SPOCK1: variants seen among roughly 807,000 people sequenced by gnomAD.
SPOCK1 encodes the protein SPARC (osteonectin), cwcv and kazal like domains proteoglycan 1.
Under a neutral mutation model 55.3 loss-of-function variants are expected in SPOCK1, and 23 were observed. The observed-to-expected ratio is 0.42, with a 90% CI of 0.30 to 0.59. The LOEUF (loss-of-function observed/expected upper bound fraction) is 0.59. SPOCK1 is among the 20% of genes least tolerant of loss of function. The pLI is 0.22. For synonymous variants in SPOCK1, 226 were observed against 221.0 expected, an observed-to-expected ratio of 1.02 and a Z score of -0.20; for missense variants, 499 against 552.5, an observed-to-expected ratio of 0.90 and a Z score of 0.97.
intron 2 of SPOCK1, among the ~76,000 whole-genome samples, chr5:137,490,797 G>T (rs1464852779): frequency 1.3e-5 from 2 of 152,120 alleles, no homozygotes; most frequent in African/African-American, 2.4e-5. Context: ...TGATGGCAAG[G>T]TCTTCTGTGC....
chr5:137,180,118 A>G (rs1033698227), intron 3 of SPOCK1, among the ~76,000 whole-genome samples: 7 of 152,164 alleles, frequency 4.6e-5, no homozygotes, highest in Non-Finnish European at 1.0e-4. Flanking sequence ...GATCTGGCAG[A>G]GGCAAGCATC....
At chr5:137,477,741 C>T (rs1232139926) in intron 2 of SPOCK1, among the ~76,000 whole-genome samples, 1 of 152,110 alleles carries the variant, frequency 6.6e-6, no homozygotes, top group Non-Finnish European at 1.5e-5. Flanking sequence ...CAGAGCACCC[C>T]TTGCTAAGCT....
intron 6 of SPOCK1, among the ~76,000 whole-genome samples, chr5:137,032,777 G>A (rs1751806635): frequency 6.6e-6 from 1 of 152,198 alleles, no homozygotes; most frequent in Non-Finnish European, 1.5e-5. Context: ...GAGGCAGTCG[G>A]TATGTTCTTC....
At chr5:137,402,068 G>C (rs1751994504) in intron 2 of SPOCK1, among the ~76,000 whole-genome samples, 1 of 152,054 alleles carries the variant, frequency 6.6e-6, no homozygotes, top group Non-Finnish European at 1.5e-5. Flanking sequence ...CCCTCTCAAG[G>C]AGCAACAAGG....
intron 3 of SPOCK1, among the ~76,000 whole-genome samples, chr5:137,204,083 G>T (rs1473425596): frequency 1.3e-5 from 2 of 152,108 alleles, no homozygotes; most frequent in Non-Finnish European, 2.9e-5. Flanking sequence ...CCTTGGGCTG[G>T]TTATCCAACC....
intron 2 of SPOCK1, among the ~76,000 whole-genome samples, chr5:137,448,508 C>T (rs575563465): frequency 6.6e-6 from 1 of 152,228 alleles, no homozygotes; most frequent in Non-Finnish European, 1.5e-5. Context: ...CCACCTGACT[C>T]CCTGTGTGCC....
intron 2 of SPOCK1, among the ~76,000 whole-genome samples, chr5:137,270,790 G>A (rs1166568019): frequency 6.6e-6 from 1 of 152,124 alleles, no homozygotes; most frequent in East Asian, 1.9e-4. Flanking sequence ...ATCACCTGAC[G>A]TCAGGAGTTT....
intron 6 of SPOCK1, among the ~76,000 whole-genome samples, chr5:137,000,029 C>T (rs1295181184): frequency 3.3e-5 from 5 of 152,160 alleles, no homozygotes; most frequent in Admixed American, 6.5e-5. Flanking sequence ...CTCACCAATG[C>T]GATCTCAGGG....
chr5:137,174,686 C>G (rs1331032139), intron 3 of SPOCK1, among the ~76,000 whole-genome samples: 3 of 152,232 alleles, frequency 2.0e-5, no homozygotes. Flanking sequence ...TTGTCTTGAT[C>G]AGATATTTTG....
At chr5:137,131,792 G>A (rs1300342202) in intron 4 of SPOCK1, among the ~76,000 whole-genome samples, 1 of 150,200 alleles carries the variant, frequency 6.7e-6, no homozygotes, top group African/African-American at 2.5e-5. Flanking sequence ...CTAACAGGGT[G>A]AAACCCCGTC....
chr5:136,992,390 A>C, intron 7 of SPOCK1, 94 bp downstream of exon 7: 2 of 944,566 alleles, frequency 2.1e-6, no homozygotes, highest in Non-Finnish European at 3.2e-6. Flanking sequence ...GTATATATTT[A>C]ATGTAATGGG....
chr5:137,364,346 C>T (rs1188898482), intron 2 of SPOCK1, among the ~76,000 whole-genome samples: 2 of 152,142 alleles, frequency 1.3e-5, no homozygotes, highest in African/African-American at 4.8e-5. Flanking sequence ...GTGCCAGGCA[C>T]CATGGGGCTT....
chr5:137,122,257 G>GCGCGCA (rs1554098652), intron 4 of SPOCK1, among the ~76,000 whole-genome samples: 1 of 145,884 alleles, frequency 6.9e-6, no homozygotes, highest in African/African-American at 2.7e-5. Context: ...ACACACACAC[G>GCGCGCA]CACACACACA....
intron 6 of SPOCK1, among the ~76,000 whole-genome samples, chr5:137,031,468 A>G (rs1212333043): frequency 2.6e-5 from 4 of 152,246 alleles, no homozygotes; most frequent in African/African-American, 7.2e-5. Context: ...ATATGTTTGT[A>G]ATTCTAATTC....
At chr5:137,323,272 T>C (rs879398087) in intron 2 of SPOCK1, among the ~76,000 whole-genome samples, 1 of 152,204 alleles carries the variant, frequency 6.6e-6, no homozygotes, top group Non-Finnish European at 1.5e-5. Flanking sequence ...AAAATGAGAC[T>C]ATTTGCTTAT....
At chr5:137,295,141 C>G (rs1014917653) in intron 2 of SPOCK1, among the ~76,000 whole-genome samples, 1 of 152,196 alleles carries the variant, frequency 6.6e-6, no homozygotes, top group Non-Finnish European at 1.5e-5. Context: ...GCACAAATAC[C>G]CTGAATAAAT....
chr5:137,178,654 C>G (rs1001844735), intron 3 of SPOCK1, among the ~76,000 whole-genome samples: 5 of 152,194 alleles, frequency 3.3e-5, no homozygotes, highest in Non-Finnish European at 5.9e-5. Flanking sequence ...CCAGCCCAAC[C>G]AACTCCCCTT....
At chr5:137,232,574 A>C (rs1419174236) in intron 3 of SPOCK1, among the ~76,000 whole-genome samples, 2 of 152,186 alleles carry the variant, frequency 1.3e-5, no homozygotes, top group Non-Finnish European at 2.9e-5. Context: ...CACTGTCTTG[A>C]TTACTGTAGC....
intron 2 of SPOCK1, among the ~76,000 whole-genome samples, chr5:137,438,575 GC>G (rs1046134636): frequency 3.9e-5 from 6 of 152,146 alleles, no homozygotes; most frequent in African/African-American, 1.4e-4. Context: ...AATATCTACA[GC>G]CCAATCTATC....
Sources: gnomAD v4.1 joint callset for allele counts (sites outside exome capture counted in the v4.1 genomes callset) on GRCh38, gnomAD v4.1.1 for gene constraint, MANE v1.5 for transcripts, NCBI Gene and HGNC (gene_info 2026-07-23, HGNC 2026-07-21) for gene names.